The following TPRG1 variants were observed in gnomAD, a reference collection of about 807,000 sequenced individuals.
TPRG1 encodes the protein tumor protein p63-regulated gene 1 protein.
In TPRG1, 29 loss-of-function variants were observed where a neutral mutation model predicts 29.3. That is an observed-to-expected ratio of 0.99 (90% CI 0.74 to 1.35). The LOEUF (loss-of-function observed/expected upper bound fraction) is 1.35, where lower values mean the gene tolerates loss of function less well. Among genes scored for constraint, TPRG1 ranks in the 40% most tolerant of loss-of-function variants. TPRG1 has a pLI of 0.00. For missense variants in TPRG1, 327 were observed against 335.0 expected, an observed-to-expected ratio of 0.98 and a Z score of 0.19; for synonymous variants, 130 against 116.8, an observed-to-expected ratio of 1.11 and a Z score of -0.73.
intron 4 of TPRG1, 58 bp from the exon 5 acceptor site, chr3:189,310,328 A>ATT (rs11425320): frequency 0.033 from 38,535 of 1,181,782 alleles, 85 homozygotes; most frequent in African/African-American, 0.068. Context: ...ATTACATTCT[A>ATT]TTTTTTTTTT....
In TPRG1 at chr3:189,322,748, C is replaced by G. The variant is rs1007795728; in HGVS notation, c.*1928C>G. 1.3e-5 allele frequency: 2 copies of G among 152,282 alleles called. No homozygotes were observed. The highest frequency in any genetic ancestry group is 6.6e-5 in the Admixed American group (1 of 15,248). The allele number at this position is 152,282 out of a possible 1,614,324, so 9.4% of individuals were successfully genotyped here. On this transcript the variant is annotated 3_prime_UTR_variant, in exon 6 of 6. Coordinates refer to ENST00000345063, the MANE Select transcript of TPRG1 (RefSeq NM_198485.4). The stretch of plus-strand genomic sequence containing the variant: ...CATTTGCCCCCTTTGTAACCTAAGC[C>G]AGACTGTTCCCAAATGACCTTCTAA...
chr3:189,066,128 G>T (rs1210424353), intron 4 of TPRG1, among the ~76,000 whole-genome samples: 2 of 152,044 alleles, frequency 1.3e-5, no homozygotes, highest in Non-Finnish European at 2.9e-5. Flanking sequence ...ATGAAGAAAT[G>T]CAAAACCTGA....
chr3:189,018,679 T>C (rs1458618958), intron 3 of TPRG1, among the ~76,000 whole-genome samples: 1 of 151,658 alleles, frequency 6.6e-6, no homozygotes, highest in Non-Finnish European at 1.5e-5. Flanking sequence ...CCTCCAGCTT[T>C]GTTCTTTTGG....
intron 5 of TPRG1, among the ~76,000 whole-genome samples, chr3:189,317,219 A>G (rs1723674439): frequency 6.6e-6 from 1 of 152,214 alleles, no homozygotes; most frequent in African/African-American, 2.4e-5. Context: ...GACTTTGGAT[A>G]ATCCAGACTT....
At chr3:189,208,935 G>A (rs1263883287) in intron 2 of TPRG1, among the ~76,000 whole-genome samples, 1 of 152,180 alleles carries the variant, frequency 6.6e-6, no homozygotes, top group African/African-American at 2.4e-5. Flanking sequence ...CTGGTGTTGG[G>A]CCTGAAGTTA....
intron 4 of TPRG1, among the ~76,000 whole-genome samples, chr3:189,284,393 C>T (rs1717699812): frequency 7.4e-6 from 1 of 135,862 alleles, no homozygotes; most frequent in Non-Finnish European, 1.5e-5. Context: ...CGTGATGTTC[C>T]CCTTCCTGTG....
At chr3:189,082,167 C>G (rs552124603) in intron 4 of TPRG1, among the ~76,000 whole-genome samples, 11 of 152,274 alleles carry the variant, frequency 7.2e-5, no homozygotes, top group Admixed American at 6.5e-4. Context: ...TGTGTGTCTT[C>G]AACGTGTAAA....
intron 1 of TPRG1, among the ~76,000 whole-genome samples, chr3:189,197,585 GGTTTT>G (rs1258717438): frequency 6.6e-6 from 1 of 152,090 alleles, no homozygotes; most frequent in Non-Finnish European, 1.5e-5. Flanking sequence ...CTTACAGAGT[GGTTTT>G]GTTTTACTTT....
chr3:189,127,053 AC>A (rs1722578609), intron 1 of TPRG1: 1 of 152,142 alleles, frequency 6.6e-6, no homozygotes, highest in African/African-American at 2.4e-5. Flanking sequence ...TCCCTTTGAG[AC>A]AGGATTATTT....
At chr3:189,168,543 CT>C (rs1327540751), upstream of TPRG1, among the ~76,000 whole-genome samples, 1 of 152,092 alleles carries the variant, frequency 6.6e-6, no homozygotes, top group East Asian at 1.9e-4. Flanking sequence ...AAAAGAATGT[CT>C]TGTTTAAGAC....
chr3:189,300,747 G>A (rs1345641558), intron 4 of TPRG1, among the ~76,000 whole-genome samples: 1 of 152,126 alleles, frequency 6.6e-6, no homozygotes, highest in Non-Finnish European at 1.5e-5. Flanking sequence ...GCACTGTTGG[G>A]AGTAGGCAAC....
At chr3:189,066,921 C>T (rs1716490269) in intron 4 of TPRG1, among the ~76,000 whole-genome samples, 1 of 152,006 alleles carries the variant, frequency 6.6e-6, no homozygotes, top group Non-Finnish European at 1.5e-5. Flanking sequence ...TTGGAAAAAC[C>T]TAAAGACTCC....
chr3:189,057,837 T>G (rs140760271), intron 4 of TPRG1, among the ~76,000 whole-genome samples: 1 of 140,078 alleles, frequency 7.1e-6, no homozygotes, highest in Non-Finnish European at 1.5e-5. Flanking sequence ...TACACACATA[T>G]GTATGTGTGT....
At chr3:189,285,302 C>T (rs1717868141) in intron 4 of TPRG1, among the ~76,000 whole-genome samples, 1 of 152,148 alleles carries the variant, frequency 6.6e-6, no homozygotes, top group African/African-American at 2.4e-5. Flanking sequence ...ATGGCCTTCA[C>T]TTGTGAATGT....
chr3:189,002,362 C>T (rs2152121457), intron 2 of TPRG1, among the ~76,000 whole-genome samples: 1 of 151,988 alleles, frequency 6.6e-6, no homozygotes, highest in East Asian at 1.9e-4. Flanking sequence ...ATAAATTTCA[C>T]AGGGATTTTC....
At position 189,125,182 on chromosome 3, in the gene TPRG1, T is replaced by C. The variant is rs144581474; in HGVS notation, c.-743-1875T>C. Among the ~76,000 whole-genome samples, 363 of 152,356 alleles carry C rather than the reference T, an allele frequency of 2.4e-3. 1 individual carries two copies. Among genetic ancestry groups the C allele is most frequent in the Non-Finnish European group, 4.0e-3 (273 of 68,030 alleles). ...TTTAATGTTTACTTTAAGATAATAATGTAGCATTGGAAGGGAAACCTGTAT... is the reference window on the plus strand; with the variant it reads ...TTTAATGTTTACTTTAAGATAATAACGTAGCATTGGAAGGGAAACCTGTAT... On this transcript the variant is annotated intron_variant, in intron 1 of 6. Transcript: ENST00000412373.
chr3:189,313,027 A>G (rs1249347628), intron 5 of TPRG1: 2 of 149,112 alleles, frequency 1.3e-5, no homozygotes, highest in Non-Finnish European at 3.0e-5. Flanking sequence ...TTCTCCTTAA[A>G]TTATTATTCC....
intron 4 of TPRG1, among the ~76,000 whole-genome samples, chr3:189,249,317 T>G (rs1741817753): frequency 6.6e-6 from 1 of 151,898 alleles, no homozygotes; most frequent in South Asian, 2.1e-4. Context: ...AATCTTTAGA[T>G]GTAATATTTT....
intron 3 of TPRG1, among the ~76,000 whole-genome samples, chr3:189,222,396 T>C (rs1737074296): frequency 6.6e-6 from 1 of 152,200 alleles, no homozygotes; most frequent in South Asian, 2.1e-4. Flanking sequence ...AGGAACTGAA[T>C]GATAAAAGTA....
Sources: allele counts gnomAD v4.1 joint callset (sites outside exome capture counted in the v4.1 genomes callset), GRCh38; gene constraint gnomAD v4.1.1; transcripts MANE v1.5; gene names NCBI Gene and HGNC (gene_info 2026-07-23, HGNC 2026-07-21).